EHD4: variants seen among roughly 807,000 people sequenced by gnomAD.
The protein encoded by EHD4 is EH domain-containing protein 4.
In EHD4, 37 loss-of-function variants were observed where a neutral mutation model predicts 51.0. The ratio of observed to expected loss-of-function variants is 0.73; its 90% CI spans 0.56 to 0.95. The LOEUF is 0.95. EHD4 is among the 40% of genes least tolerant of loss of function. The probability of loss-of-function intolerance (pLI) is 0.00; values close to 1 mark genes in which losing one functional copy is unlikely to be tolerated. For synonymous variants in EHD4, 297 were observed against 317.3 expected, an observed-to-expected ratio of 0.94 and a Z score of 0.68; for missense variants, 632 against 733.1, an observed-to-expected ratio of 0.86 and a Z score of 1.59.
chr15:41,903,045 T>C lies in EHD4; in HGVS notation c.1090-1864A>G, dbSNP rs375322265. Among the ~76,000 whole-genome samples the C allele has an allele frequency of 2.0e-5, 3 of 151,810 alleles. No individual in the cohort carries two copies. The East Asian group carries it at 5.8e-4, about 29-fold the overall frequency. On this transcript the variant is annotated intron_variant, in intron 5 of 5. Transcript: ENST00000220325. ...TGCGAGAGTTACCTAGAGCTTTACA[T>C]GACAGGCTTCAAAGATCTGATGAAA...
At chr15:41,934,985 C>T (rs776595302) in intron 3 of EHD4, among the ~76,000 whole-genome samples, 9 of 152,178 alleles carry the variant, frequency 5.9e-5, no homozygotes, top group South Asian at 4.1e-4. Context: ...ATGCACTTCC[C>T]CAGGGCCTAC....
intron 1 of EHD4, 138 bp downstream of exon 1, chr15:41,972,121 G>T: frequency 1.2e-6 from 1 of 844,860 alleles, no homozygotes; most frequent in Non-Finnish European, 1.5e-6. Context: ...GGGGCCGAGG[G>T]CACCGGGCGC....
rs1298063123 is a variant in EHD4, at chr15:41,899,465, G to A, written c.*1180C>T. The A allele has an allele frequency of 6.6e-6, 1 of 151,844 alleles. No homozygotes were observed. The highest frequency in any genetic ancestry group is 1.5e-5 in the Non-Finnish European group (1 of 67,978). 9.4% of individuals were successfully genotyped at this position (151,844 alleles called of 1,614,324 possible). A position where few individuals can be genotyped will look rare whatever the true frequency, so the allele number is the denominator to read the frequency against. On this transcript the variant is annotated 3_prime_UTR_variant, in exon 6 of 6. Coordinates refer to ENST00000220325, the MANE Select transcript of EHD4 (RefSeq NM_139265.4). ...TTTAAAGAAAAGGTTTTATATGAAA[G>A]GTTCCATTTTGTTTCTGTATAAAGG... is the stretch of plus-strand genomic sequence containing the variant.
At chr15:41,963,250 C>A (rs1379194840) in intron 1 of EHD4, among the ~76,000 whole-genome samples, 1 of 150,894 alleles carries the variant, frequency 6.6e-6, no homozygotes, top group Non-Finnish European at 1.5e-5. Flanking sequence ...TATGACCCTG[C>A]CAAATCCCCC....
chr15:41,961,194 T>C (rs889275219), intron 1 of EHD4, among the ~76,000 whole-genome samples: 7 of 152,212 alleles, frequency 4.6e-5, no homozygotes, highest in African/African-American at 1.2e-4. Context: ...ATGGGATTTA[T>C]ACTCCTCAGG....
chr15:41,918,036 C>T (rs201399243), intron 4 of EHD4, among the ~76,000 whole-genome samples: 1 of 152,164 alleles, frequency 6.6e-6, no homozygotes, highest in East Asian at 1.9e-4. Flanking sequence ...CCAGTGAGCA[C>T]ACTGGCACGA....
chr15:41,959,329 G>A (rs547345544), intron 1 of EHD4, among the ~76,000 whole-genome samples: 1 of 141,822 alleles, frequency 7.1e-6, no homozygotes, highest in African/African-American at 2.6e-5. Flanking sequence ...CCGGGAGGCT[G>A]AGCTTGCAGT....
In EHD4 at chr15:41,900,464, AG is replaced by A; in HGVS notation, c.*180del. ...ACCCCCAATATTTTCATAGAAACTA[AG>A]GGAATTTTGGAGGTGAAAGAAGTCA... On this transcript the variant is annotated 3_prime_UTR_variant, in exon 6 of 6. Transcript: ENST00000220325. This position sits in a 1 kb window ranked among gnomAD's most constrained non-coding sequence, Gnocchi z 4.8. 1.6e-6 allele frequency: 1 copy of A among 630,316 alleles called. No individual in the cohort carries two copies. Among genetic ancestry groups the A allele is most frequent in the Non-Finnish European group, 2.7e-6 (1 of 370,640 alleles). 39.0% of individuals were successfully genotyped at this position (630,316 alleles called of 1,614,324 possible). A position where few individuals can be genotyped will look rare whatever the true frequency, so the allele number is the denominator to read the frequency against.
chr15:41,911,245 C>T (rs1015751872), intron 4 of EHD4, among the ~76,000 whole-genome samples: 4 of 152,196 alleles, frequency 2.6e-5, no homozygotes, highest in Admixed American at 6.5e-5. Context: ...GCCTGGCTAC[C>T]GCTGAGAGGA....
At position 41,900,479 on chromosome 15, in the gene EHD4, TGAAA is replaced by T; in HGVS notation, c.*162_*165del. 1.5e-6 allele frequency: 1 copy of T among 679,218 alleles called. No homozygotes were observed. The allele number at this position is 679,218 out of a possible 1,614,324, so 42.1% of individuals were successfully genotyped here. A position where few individuals can be genotyped will look rare whatever the true frequency, so the allele number is the denominator to read the frequency against. ...ATAGAAACTAAGGGAATTTTGGAGG[TGAAA>T]GAAGTCATCTAGTTTCCAGTGTCCA... On this transcript the variant is annotated 3_prime_UTR_variant, in exon 6 of 6. Coordinates refer to ENST00000220325, the MANE Select transcript of EHD4 (RefSeq NM_139265.4). The surrounding 1 kb of genome is among the most constrained non-coding windows in gnomAD (Gnocchi z 4.8).
intron 3 of EHD4, among the ~76,000 whole-genome samples, chr15:41,923,364 G>A (rs16972274): frequency 1.3e-5 from 2 of 152,144 alleles, no homozygotes; most frequent in African/African-American, 4.8e-5. Flanking sequence ...GTGTCATGAA[G>A]GACTCAGGCG....
In EHD4 at chr15:41,925,441, A is replaced by G. The variant is rs191929029; in HGVS notation, c.512-5819T>C. The stretch of plus-strand genomic sequence containing the variant: ...TGAGAACTGGTTTCAGCTAGGCACA[A>G]TGCAACGTGGCCTGGGGCATGGAAC... On this transcript the variant is annotated intron_variant, in intron 3 of 5. Coordinates refer to ENST00000220325, the MANE Select transcript of EHD4 (RefSeq NM_139265.4). Among the ~76,000 whole-genome samples the G allele has an allele frequency of 3.9e-5, 6 of 152,338 alleles. No individual in the cohort carries two copies. In the South Asian group the frequency reaches 6.2e-4, roughly 16 times the overall value.
At chr15:41,945,469 C>G (rs2067805440) in intron 2 of EHD4, among the ~76,000 whole-genome samples, 1 of 152,152 alleles carries the variant, frequency 6.6e-6, no homozygotes, top group Non-Finnish European at 1.5e-5. Flanking sequence ...GCGAGGAGCC[C>G]AGGATGGCTG....
chr15:41,972,194 G>A, intron 1 of EHD4, 65 bp downstream of exon 1: 1 of 1,290,214 alleles, frequency 7.8e-7, no homozygotes, highest in Non-Finnish European at 9.9e-7. Context: ...GGAGGCGGCC[G>A]ACTGCGGCGC....
In EHD4 at chr15:41,945,470, A is replaced by C. The variant is rs543963028; in HGVS notation, c.414-2306T>G. ...TACAAGCGGGCAAAGCGAGGAGCCC[A>C]GGATGGCTGAAAAAGAGAGGATGAG... On this transcript the variant is annotated intron_variant, in intron 2 of 5. Transcript: ENST00000220325. Among the ~76,000 whole-genome samples, 26 of 152,350 alleles carry C rather than the reference A, an allele frequency of 1.7e-4. No homozygotes were observed. In the East Asian group the frequency reaches 5.0e-3, roughly 29 times the overall value.
intron 1 of EHD4, among the ~76,000 whole-genome samples, chr15:41,963,599 CAA>C (rs763703781): frequency 4.5e-4 from 28 of 62,162 alleles, no homozygotes; most frequent in Admixed American, 5.3e-4. Flanking sequence ...GAGTCTGTTT[CAA>C]AAAAAAAAAA....
intron 1 of EHD4, among the ~76,000 whole-genome samples, chr15:41,963,599 CAAAAAAA>C (rs763703781): frequency 1.6e-5 from 1 of 62,190 alleles, no homozygotes; most frequent in African/African-American, 6.3e-5. Flanking sequence ...GAGTCTGTTT[CAAAAAAA>C]AAAAAAAAAA....
At chr15:41,912,416 C>G (rs952429577) in intron 4 of EHD4, among the ~76,000 whole-genome samples, 4 of 152,158 alleles carry the variant, frequency 2.6e-5, no homozygotes, top group Non-Finnish European at 4.4e-5. Context: ...TCAAGTTGGC[C>G]AGGCACGATG....
chr15:41,918,486 G>T (rs1158298893), intron 4 of EHD4, among the ~76,000 whole-genome samples: 1 of 152,174 alleles, frequency 6.6e-6, no homozygotes, highest in Non-Finnish European at 1.5e-5. Context: ...TTGGAGGAGG[G>T]ATATGCTTTT....
Sources: allele counts gnomAD v4.1 joint callset (sites outside exome capture counted in the v4.1 genomes callset), GRCh38; gene constraint gnomAD v4.1.1; non-coding constraint Gnocchi (gnomAD v3.1); transcripts MANE v1.5; gene names NCBI Gene and HGNC (gene_info 2026-07-23, HGNC 2026-07-21).